The following GRIP1 variants were observed in gnomAD, a reference collection of about 807,000 sequenced individuals.
GRIP1 encodes glutamate receptor interacting protein 1, also known as glutamate receptor-interacting protein 1.
Under a neutral mutation model 129.9 loss-of-function variants are expected in GRIP1, and 45 were observed. That is an observed-to-expected ratio of 0.35 (90% CI 0.27 to 0.44). The LOEUF is 0.44. Ranked by LOEUF, GRIP1 falls within the 20% of genes least tolerant of loss-of-function variation. The pLI is 1.00. For missense variants in GRIP1, 1,196 were observed against 1,396.8 expected (o/e 0.86, Z 2.29); for synonymous variants, 530 against 520.8 (o/e 1.02, Z -0.24).
chr12:66,786,443 C>T (rs2038348815), intron 1 of GRIP1, among the ~76,000 whole-genome samples: 1 of 152,070 alleles, frequency 6.6e-6, no homozygotes, highest in South Asian at 2.1e-4. Flanking sequence ...CTTCAGGAGG[C>T]AACTTCACCT....
intron 1 of GRIP1, among the ~76,000 whole-genome samples, chr12:66,966,203 T>C (rs545172340): frequency 6.6e-6 from 1 of 152,208 alleles, no homozygotes; most frequent in Non-Finnish European, 1.5e-5. Context: ...AAAGTTTTAT[T>C]CAGCAGAAAT....
intron 15 of GRIP1, among the ~76,000 whole-genome samples, chr12:66,416,762 A>G (rs2137789482): frequency 6.6e-6 from 1 of 152,278 alleles, no homozygotes; most frequent in South Asian, 2.1e-4. Flanking sequence ...TGAAGTCATA[A>G]TAAAAAGTCT....
At chr12:66,658,781 A>T (rs2136182766) in intron 1 of GRIP1, among the ~76,000 whole-genome samples, 1 of 151,916 alleles carries the variant, frequency 6.6e-6, no homozygotes, top group South Asian at 2.1e-4. Flanking sequence ...TAAAATAGCC[A>T]GGTGTGGTGG....
At chr12:66,585,842 T>A (rs1053491768) in intron 2 of GRIP1, among the ~76,000 whole-genome samples, 2 of 152,024 alleles carry the variant, frequency 1.3e-5, no homozygotes, top group Non-Finnish European at 2.9e-5. Context: ...TTTGCATTTC[T>A]CTGATGGCCA....
intron 1 of GRIP1, among the ~76,000 whole-genome samples, chr12:67,052,924 GAC>G (rs1565657478): frequency 2.6e-5 from 4 of 152,278 alleles, no homozygotes; most frequent in Non-Finnish European, 5.9e-5. Flanking sequence ...GTAGGAATTA[GAC>G]TTAGAATCCA....
chr12:66,861,441 C>T (rs981341836), intron 1 of GRIP1, among the ~76,000 whole-genome samples: 3 of 152,062 alleles, frequency 2.0e-5, no homozygotes, highest in African/African-American at 4.8e-5. Flanking sequence ...TTTACACAAA[C>T]GAAGGCAACT....
intron 24 of GRIP1, among the ~76,000 whole-genome samples, chr12:66,350,131 G>T (rs926078184): frequency 6.6e-6 from 1 of 151,954 alleles, no homozygotes; most frequent in East Asian, 1.9e-4. Context: ...ACCCCACTTC[G>T]TTTTGATCCT....
intron 1 of GRIP1, among the ~76,000 whole-genome samples, chr12:66,956,910 A>G (rs1364347687): frequency 6.6e-6 from 1 of 152,144 alleles, no homozygotes; most frequent in Non-Finnish European, 1.5e-5. Flanking sequence ...TAAACTAAAC[A>G]TGAGTCCCCA....
intron 1 of GRIP1, among the ~76,000 whole-genome samples, chr12:66,788,714 C>T (rs1289160167): frequency 6.6e-6 from 1 of 152,012 alleles, no homozygotes; most frequent in Non-Finnish European, 1.5e-5. Context: ...CATACAATAG[C>T]CATCTAGAAC....
chr12:66,356,912 C>G (rs2054515547), intron 23 of GRIP1, among the ~76,000 whole-genome samples: 1 of 151,948 alleles, frequency 6.6e-6, no homozygotes, highest in Non-Finnish European at 1.5e-5. Flanking sequence ...GCTCTGTCAC[C>G]CAGGCAGGAG....
intron 1 of GRIP1, among the ~76,000 whole-genome samples, chr12:66,752,748 T>C (rs1219403618): frequency 6.6e-6 from 1 of 152,198 alleles, no homozygotes; most frequent in Non-Finnish European, 1.5e-5. Context: ...AAACACTGGA[T>C]ACCTTTGTGC....
chr12:66,749,196 C>T (rs186662673), intron 1 of GRIP1, among the ~76,000 whole-genome samples: 11 of 152,258 alleles, frequency 7.2e-5, no homozygotes, highest in South Asian at 4.2e-4. Flanking sequence ...GAACTACTCA[C>T]GAAGAAAAAC....
At chr12:66,397,178 G>A (rs910838121) in intron 16 of GRIP1, among the ~76,000 whole-genome samples, 61 of 145,832 alleles carry the variant, frequency 4.2e-4, no homozygotes, top group African/African-American at 1.5e-3. Flanking sequence ...AAAGCAATGA[G>A]TAGATCATTT....
intron 1 of GRIP1, among the ~76,000 whole-genome samples, chr12:66,629,537 A>C (rs1487022468): frequency 6.6e-6 from 1 of 152,238 alleles, no homozygotes; most frequent in Admixed American, 6.5e-5. Context: ...TATTTGCTTT[A>C]AAGCTTTAAC....
intron 1 of GRIP1, among the ~76,000 whole-genome samples, chr12:66,836,549 G>C (rs936537057): frequency 6.6e-6 from 1 of 151,178 alleles, no homozygotes. Flanking sequence ...TAAATTTAGA[G>C]AGAAAATACA....
chr12:66,941,478 T>C (rs1360228118), intron 1 of GRIP1, among the ~76,000 whole-genome samples: 5 of 152,204 alleles, frequency 3.3e-5, no homozygotes, highest in Non-Finnish European at 5.9e-5. Flanking sequence ...AATCTAAATC[T>C]TGTCTCCAGT....
Position 67,035,208 on chromosome 12 carries a change from A to G in GRIP1, c.58+33842T>C, listed in dbSNP as rs530757726. ...ACCAGCCTACCACTGGATAAAGTAGAAAAAAAAACGTGTTTCCTCCATGCA... is the reference window on the plus strand; with the variant it reads ...ACCAGCCTACCACTGGATAAAGTAGGAAAAAAAACGTGTTTCCTCCATGCA... On this transcript the variant is annotated intron_variant, in intron 1 of 1. Transcript: ENST00000643019. 3.8e-4 allele frequency among the ~76,000 whole-genome samples: 58 copies of G among 150,718 alleles called. No homozygotes were observed. The East Asian group carries it at 0.011, about 28-fold the overall frequency.
At chr12:67,031,615 C>T (rs554066596) in intron 1 of GRIP1, among the ~76,000 whole-genome samples, 2 of 152,226 alleles carry the variant, frequency 1.3e-5, no homozygotes, top group South Asian at 4.2e-4. Context: ...AATCCTGAAC[C>T]CATCATCTTT....
At chr12:67,012,521 A>G (rs2042725402) in intron 1 of GRIP1, among the ~76,000 whole-genome samples, 1 of 152,188 alleles carries the variant, frequency 6.6e-6, no homozygotes, top group Non-Finnish European at 1.5e-5. Flanking sequence ...CCTGCCCATT[A>G]AGAGCAACAG....
Sources: allele counts gnomAD v4.1 joint callset (sites outside exome capture counted in the v4.1 genomes callset), GRCh38; gene constraint gnomAD v4.1.1; transcripts MANE v1.5; gene names NCBI Gene and HGNC (gene_info 2026-07-23, HGNC 2026-07-21).